The following NIPBL variants were observed in gnomAD, a reference collection of about 807,000 sequenced individuals.
NIPBL encodes NIPBL cohesin loading factor, also known as nipped-B-like protein.
In NIPBL, 19 loss-of-function variants were observed where a neutral mutation model predicts 321.8. The ratio of observed to expected loss-of-function variants is 0.06; its 90% CI spans 0.04 to 0.09. The LOEUF (loss-of-function observed/expected upper bound fraction) is 0.09. NIPBL is among the 10% of genes least tolerant of loss of function. The pLI is 1.00. For synonymous variants in NIPBL, 1,106 were observed against 1,114.1 expected (o/e 0.99, Z 0.14); for missense variants, 2,210 against 3,327.0 (o/e 0.66, Z 8.26).
At chr5:37,015,904 A>C in intron 22 of NIPBL, 134 bp from the exon 23 acceptor site, 1 of 746,468 alleles carries the variant, frequency 1.3e-6, no homozygotes, top group Non-Finnish European at 2.2e-6. Context: ...ATTTTATTTA[A>C]TGTACATTTA....
chr5:36,997,792 A>T (rs1318994738), intron 11 of NIPBL, among the ~76,000 whole-genome samples: 2 of 152,316 alleles, frequency 1.3e-5, no homozygotes, highest in African/African-American at 4.8e-5. Flanking sequence ...GTCACACCAC[A>T]ACAGAAACAG....
chr5:37,051,658 T>C (rs1433599243), intron 40 of NIPBL, 121 bp from the exon 41 acceptor site: 2 of 702,988 alleles, frequency 2.8e-6, no homozygotes, highest in African/African-American at 1.8e-5. Context: ...AAACATAGAC[T>C]TTATAGGAAG....
At chr5:37,037,656 CT>C (rs1293247505) in intron 33 of NIPBL, among the ~76,000 whole-genome samples, 3 of 144,846 alleles carry the variant, frequency 2.1e-5, no homozygotes, top group Admixed American at 2.1e-4. Context: ...ATGTGTACCT[CT>C]TTTTTTTCTT....
rs1457060533 is a variant in NIPBL, at chr5:37,052,488, T to G, written c.7185T>G (p.Leu2395=). 6.2e-7 allele frequency: 1 copy of G among 1,614,120 alleles called. No homozygotes were observed. The highest frequency in any genetic ancestry group is 8.5e-7 in the Non-Finnish European group (1 of 1,180,004). ...CCTCTAGCGCTTTGTGTTCACACCT[T>G]TACTCCATGATCCGTGGAAACCGCC... ...DESSSALCSH[L]YSMIRGNRQH... Residue 2395 remains leucine (L), a synonymous_variant, in exon 42 of 47, where the codon CTT becomes CTG. Coordinates refer to ENST00000282516, the MANE Select transcript of NIPBL (RefSeq NM_133433.4).
intron 38 of NIPBL, among the ~76,000 whole-genome samples, chr5:37,046,782 A>G (rs1457618675): frequency 6.6e-6 from 1 of 152,222 alleles, no homozygotes; most frequent in African/African-American, 2.4e-5. Context: ...ATATCTAGGA[A>G]GGAATTAGAA....
At chr5:36,969,183 T>C (rs972021294) in intron 6 of NIPBL, among the ~76,000 whole-genome samples, 1 of 152,198 alleles carries the variant, frequency 6.6e-6, no homozygotes, top group Admixed American at 6.5e-5. Context: ...AGTTATGCCA[T>C]CTTCATGGAT....
chr5:36,923,657 A>G (rs1343030223), intron 1 of NIPBL, among the ~76,000 whole-genome samples: 1 of 152,190 alleles, frequency 6.6e-6, no homozygotes, highest in Non-Finnish European at 1.5e-5. Flanking sequence ...CTTTTTCTGC[A>G]GTCACAGAAG....
rs533915043 is a variant in NIPBL at position 36,986,311 on chromosome 5, C to T, written c.3121+10C>T. ...TCAAAGTCAAATAAAGGTAAGAATA[C>T]TTCTACTGATGTCATTTATAATATA... is the stretch of plus-strand genomic sequence containing the variant. On this transcript the variant is annotated intron_variant, in intron 10 of 46. Transcript: ENST00000282516. 2.7e-6 allele frequency: 4 copies of T among 1,458,478 alleles called. No individual in the cohort carries two copies. The African/African-American group carries it at 5.7e-5, about 21-fold the overall frequency. The allele number at this position is 1,458,478 out of a possible 1,614,324, so 90.3% of individuals were successfully genotyped here.
At chr5:36,887,019 A>G (rs988329559) in intron 1 of NIPBL, among the ~76,000 whole-genome samples, 2 of 152,204 alleles carry the variant, frequency 1.3e-5, no homozygotes, top group Admixed American at 6.5e-5. Flanking sequence ...TACTTTGAAC[A>G]GTGGTAGATA....
intron 1 of NIPBL, among the ~76,000 whole-genome samples, chr5:36,897,936 A>G (rs1241567793): frequency 1.3e-5 from 2 of 151,838 alleles, no homozygotes; most frequent in Middle Eastern, 3.4e-3. Flanking sequence ...AGGAAGTAAG[A>G]TTAATAATTT....
At chr5:36,978,777 C>T (rs369463497) in intron 9 of NIPBL, among the ~76,000 whole-genome samples, 2 of 151,728 alleles carry the variant, frequency 1.3e-5, no homozygotes, top group Non-Finnish European at 3.0e-5. Context: ...AGGTGAGAGG[C>T]AGGAGTCCCG....
intron 33 of NIPBL, among the ~76,000 whole-genome samples, chr5:37,037,996 TTTTTTTTTTTA>T (rs1751905674): frequency 6.8e-6 from 1 of 146,052 alleles, no homozygotes; most frequent in Non-Finnish European, 1.5e-5. Context: ...TTTTTTTTTT[TTTTTTTTTTTA>T]AAGACAGGGT....
intron 19 of NIPBL, among the ~76,000 whole-genome samples, chr5:37,008,311 C>T (rs1287173250): frequency 6.6e-6 from 1 of 152,026 alleles, no homozygotes; most frequent in Non-Finnish European, 1.5e-5. Context: ...ATTTAAAACA[C>T]TTCCAAATAT....
At position 37,012,456 on chromosome 5, in the gene NIPBL, A is replaced by ATT. The variant is rs763144789; in HGVS notation, c.4561-2203_4561-2202dup. ...TATTGAATATTAGATTCTTTCTCCA[A>ATT]TTTTTTTTTTTTTTTTTTTTTTTTT... On this transcript the variant is annotated intron_variant, in intron 21 of 46. Coordinates refer to ENST00000282516, the MANE Select transcript of NIPBL (RefSeq NM_133433.4). Among the ~76,000 whole-genome samples, 307 of 107,184 alleles carry ATT rather than the reference A, an allele frequency of 2.9e-3. 1 individual carries two copies. Among genetic ancestry groups the ATT allele is most frequent in the South Asian group, 0.011 (37 of 3,316 alleles). 70.3% of individuals were successfully genotyped at this position (107,184 alleles called of 152,430 possible). A position where few individuals can be genotyped will look rare whatever the true frequency, so the allele number is the denominator to read the frequency against.
At chr5:36,890,604 A>G (rs182715104) in intron 1 of NIPBL, among the ~76,000 whole-genome samples, 1 of 152,344 alleles carries the variant, frequency 6.6e-6, no homozygotes, top group East Asian at 1.9e-4. Context: ...GGTATTATAT[A>G]GTAAAATTAG....
chr5:36,893,920 A>G (rs1746533328), intron 1 of NIPBL, among the ~76,000 whole-genome samples: 1 of 152,206 alleles, frequency 6.6e-6, no homozygotes, highest in Admixed American at 6.5e-5. Flanking sequence ...AGTACAGCCT[A>G]CCAGCAGTAC....
At chr5:37,059,638 T>G (rs1000471339) in intron 44 of NIPBL, among the ~76,000 whole-genome samples, 2 of 152,238 alleles carry the variant, frequency 1.3e-5, no homozygotes, top group African/African-American at 2.4e-5. Flanking sequence ...TATGCCATAA[T>G]TTATTTTTAT....
intron 36 of NIPBL, 139 bp downstream of exon 36, chr5:37,044,868 T>C (rs1752812822): frequency 1.5e-6 from 1 of 675,104 alleles, no homozygotes. Context: ...TCAGAAACAA[T>C]ATTTTCTAGT....
chr5:36,958,705 GT>G (rs1741260147), intron 4 of NIPBL, among the ~76,000 whole-genome samples: 1 of 151,882 alleles, frequency 6.6e-6, no homozygotes, highest in Non-Finnish European at 1.5e-5. Flanking sequence ...TTGATTCATG[GT>G]ATTATAAAAT....
Sources: gnomAD v4.1 joint callset for allele counts (sites outside exome capture counted in the v4.1 genomes callset) on GRCh38, gnomAD v4.1.1 for gene constraint, MANE v1.5 for transcripts, NCBI Gene and HGNC (gene_info 2026-07-23, HGNC 2026-07-21) for gene names.